TRPM3: variants seen among roughly 807,000 people sequenced by gnomAD.
TRPM3 encodes long transient receptor potential channel 3.
A neutral mutation model predicts 181.2 loss-of-function variants in TRPM3; 77 were observed. The observed-to-expected ratio is 0.42, with a 90% confidence interval of 0.35 to 0.51. The LOEUF (loss-of-function observed/expected upper bound fraction) is 0.51. Among genes scored for constraint, TRPM3 ranks in the 20% least tolerant of loss-of-function variants. The probability of loss-of-function intolerance (pLI) is 0.01; values close to 1 mark genes in which losing one functional copy is unlikely to be tolerated. For synonymous variants in TRPM3, 745 were observed against 796.4 expected (o/e 0.94, Z 1.09); for missense variants, 1,759 against 2,196.7 (o/e 0.80, Z 3.98).
rs1013308429 is a variant in TRPM3, at chr9:71,268,183, C to T, written c.183+178470G>A. Among the ~76,000 whole-genome samples the T allele has an allele frequency of 5.9e-5, 9 of 152,130 alleles. No individual in the cohort carries two copies. The East Asian group carries it at 9.7e-4, about 16-fold the overall frequency. On this transcript the variant is annotated intron_variant, in intron 1 of 24. Transcript: ENST00000357533. Reference sequence around the variant, plus strand: ...ACCACATGAGGTCAGGAGTTCAACGCCAGCCTGGCCAACATGGTGAAACAA... The same window carrying T: ...ACCACATGAGGTCAGGAGTTCAACGTCAGCCTGGCCAACATGGTGAAACAA...
intron 1 of TRPM3, among the ~76,000 whole-genome samples, chr9:71,302,253 A>G (rs2086848916): frequency 6.6e-6 from 1 of 152,316 alleles, no homozygotes; most frequent in Non-Finnish European, 1.5e-5. Flanking sequence ...ACATGTCTGA[A>G]ATCATAGAAA....
Position 70,861,788 on chromosome 9 carries a change from T to C in TRPM3, c.462+1120A>G, listed in dbSNP as rs79227074. ...ACTCATTCTTTGTTTTCCCAAGCCT[T>C]GCTGGAGGTTGCAAATAGCACATTT... is the stretch of plus-strand genomic sequence containing the variant. On this transcript the variant is annotated intron_variant, in intron 3 of 25. Coordinates refer to ENST00000677713, the MANE Select transcript of TRPM3 (RefSeq NM_001366145.2). Among the ~76,000 whole-genome samples the C allele has an allele frequency of 1.1e-3, 161 of 152,270 alleles. 1 individual carries two copies. Among genetic ancestry groups the C allele is most frequent in the Non-Finnish European group, 1.8e-3 (124 of 68,004 alleles).
At chr9:71,310,032 A>T (rs1383221148) in intron 1 of TRPM3, among the ~76,000 whole-genome samples, 1 of 152,112 alleles carries the variant, frequency 6.6e-6, no homozygotes, top group Non-Finnish European at 1.5e-5. Flanking sequence ...AAAAATCCTA[A>T]ACTATGAATA....
chr9:70,751,790 T>C (rs996876652), intron 8 of TRPM3, among the ~76,000 whole-genome samples: 1 of 151,948 alleles, frequency 6.6e-6, no homozygotes, highest in Non-Finnish European at 1.5e-5. Context: ...GTTTAGAGAA[T>C]GACTGTAGAG....
At chr9:71,109,321 G>A (rs1051899387) in intron 1 of TRPM3, among the ~76,000 whole-genome samples, 7 of 150,266 alleles carry the variant, frequency 4.7e-5, no homozygotes, top group African/African-American at 9.8e-5. Context: ...GGAGATTCCT[G>A]ACTAATACAA....
chr9:71,233,901 T>C (rs1296654455), intron 1 of TRPM3, among the ~76,000 whole-genome samples: 1 of 152,232 alleles, frequency 6.6e-6, no homozygotes. Flanking sequence ...CCAGAAGGAC[T>C]GGAACTATTT....
intron 1 of TRPM3, among the ~76,000 whole-genome samples, chr9:70,931,466 C>T (rs747628220): frequency 6.6e-6 from 1 of 151,990 alleles, no homozygotes; most frequent in African/African-American, 2.4e-5. Context: ...GGAGACAGAA[C>T]CCAGAAAATA....
intron 2 of TRPM3, 130 bp downstream of exon 2, chr9:70,864,302 A>G: frequency 1.7e-6 from 1 of 582,484 alleles, no homozygotes; most frequent in South Asian, 4.0e-5. Context: ...ATTGCCTCAA[A>G]GATGTCCAGA....
intron 1 of TRPM3, among the ~76,000 whole-genome samples, chr9:71,207,807 A>G (rs907748085): frequency 1.6e-4 from 24 of 152,176 alleles, no homozygotes; most frequent in Admixed American, 3.9e-4. Context: ...AACTCAATAT[A>G]AAAGAACATA....
chr9:71,229,676 G>A lies in TRPM3; in HGVS notation c.183+216977C>T, dbSNP rs78232638. 1.7e-3 allele frequency among the ~76,000 whole-genome samples: 254 copies of A among 152,202 alleles called. 5 individuals carry two copies. In the East Asian group the frequency reaches 0.043, roughly 26 times the overall value. ...GAAGACAAATGACAAATAGGTATAC[G>A]CAAACATGCTCAAGCTCACTGATCA... On this transcript the variant is annotated intron_variant, in intron 1 of 24. Coordinates refer to the TRPM3 transcript ENST00000357533.
At chr9:71,405,532 T>C (rs2093421101) in intron 1 of TRPM3, among the ~76,000 whole-genome samples, 1 of 152,188 alleles carries the variant, frequency 6.6e-6, no homozygotes, top group Non-Finnish European at 1.5e-5. Context: ...TTCAATATTA[T>C]ACAAACAGAT....
intron 1 of TRPM3, among the ~76,000 whole-genome samples, chr9:71,141,764 T>C (rs1164753649): frequency 6.6e-6 from 1 of 152,200 alleles, no homozygotes; most frequent in Non-Finnish European, 1.5e-5. Context: ...TTTTTTCTCA[T>C]ACCACTTTCA....
At chr9:71,217,365 A>G (rs2079955875) in intron 1 of TRPM3, among the ~76,000 whole-genome samples, 1 of 152,134 alleles carries the variant, frequency 6.6e-6, no homozygotes, top group Non-Finnish European at 1.5e-5. Context: ...ACACTTTTGC[A>G]GGCACTAAAG....
intron 14 of TRPM3, among the ~76,000 whole-genome samples, chr9:70,622,303 C>A (rs150418369): frequency 6.6e-6 from 1 of 152,152 alleles, no homozygotes; most frequent in Admixed American, 6.5e-5. Flanking sequence ...GGTATTTTGT[C>A]GTAGCAGCCT....
intron 1 of TRPM3, among the ~76,000 whole-genome samples, chr9:71,335,599 T>G (rs533168285): frequency 6.6e-6 from 1 of 152,116 alleles, no homozygotes; most frequent in Non-Finnish European, 1.5e-5. Flanking sequence ...TGAAATAATA[T>G]AAGAAATCAA....
At chr9:71,204,398 C>G (rs1276197454) in intron 1 of TRPM3, among the ~76,000 whole-genome samples, 1 of 152,084 alleles carries the variant, frequency 6.6e-6, no homozygotes, top group East Asian at 1.9e-4. Flanking sequence ...AACAAGTAGG[C>G]AAAGGATATG....
intron 1 of TRPM3, among the ~76,000 whole-genome samples, chr9:71,300,978 G>A (rs2086716576): frequency 6.6e-6 from 1 of 152,076 alleles, no homozygotes; most frequent in Non-Finnish European, 1.5e-5. Flanking sequence ...GCTAATATGT[G>A]CTAGATTCCA....
intron 1 of TRPM3, among the ~76,000 whole-genome samples, chr9:71,161,456 G>C (rs1437971464): frequency 6.6e-6 from 1 of 152,090 alleles, no homozygotes; most frequent in Non-Finnish European, 1.5e-5. Flanking sequence ...GATTATTAAG[G>C]GGTCCAGAAC....
intron 1 of TRPM3, among the ~76,000 whole-genome samples, chr9:71,196,838 G>A (rs1242969440): frequency 2.0e-5 from 3 of 151,622 alleles, no homozygotes; most frequent in Non-Finnish European, 4.4e-5. Flanking sequence ...TTGCTCTAAA[G>A]CAGGATGGAG....
Sources: gnomAD v4.1 joint callset for allele counts (sites outside exome capture counted in the v4.1 genomes callset) on GRCh38, gnomAD v4.1.1 for gene constraint, MANE v1.5 for transcripts, NCBI Gene and HGNC (gene_info 2026-07-23, HGNC 2026-07-21) for gene names.